The following SCNN1A variants were observed in gnomAD, a reference collection of about 807,000 sequenced individuals.
SCNN1A encodes the protein sodium channel epithelial 1 subunit alpha.
Under a neutral mutation model 68.6 loss-of-function variants are expected in SCNN1A, and 65 were observed. The observed-to-expected ratio is 0.95, with a 90% CI of 0.78 to 1.16. The LOEUF (loss-of-function observed/expected upper bound fraction) is 1.16, where lower values mean the gene tolerates loss of function less well. Among genes scored for constraint, SCNN1A ranks in the 50% most tolerant of loss-of-function variants. SCNN1A has a pLI of 0.00. For missense variants in SCNN1A, 880 were observed against 865.9 expected (o/e 1.02, Z -0.20); for synonymous variants, 357 against 353.3 (o/e 1.01, Z -0.12).
intron 3 of SCNN1A, 40 bp downstream of exon 3, chr12:6,363,403 G>C: frequency 6.8e-7 from 1 of 1,472,274 alleles, no homozygotes; most frequent in South Asian, 1.4e-5. Flanking sequence ...CCAGGGGCCG[G>C]CGAGGGGCGG....
chr12:6,375,864 G>A, upstream of SCNN1A: 1 of 1,313,374 alleles, frequency 7.6e-7, no homozygotes, highest in Non-Finnish European at 9.7e-7. Context: ...CCTGGGTGGG[G>A]AACCGGGAGG....
In SCNN1A at chr12:6,355,776, C is replaced by G; in HGVS notation, c.979+1G>C. On this transcript the variant is annotated splice_donor_variant, in intron 5 of 12. Transcript: ENST00000228916. LOFTEE classifies it high-confidence loss of function. Reference sequence around the variant, plus strand: ...CATGGAGCAAGCAGGGAGCTTCTCACCGTTGTTGATTCCAGGCATGGAAGA... The same window carrying G: ...CATGGAGCAAGCAGGGAGCTTCTCAGCGTTGTTGATTCCAGGCATGGAAGA... The G allele has an allele frequency of 6.2e-7, 1 of 1,600,984 alleles. No homozygotes were observed.
At chr12:6,366,340 A>T (rs1948679549) in intron 2 of SCNN1A, among the ~76,000 whole-genome samples, 1 of 152,182 alleles carries the variant, frequency 6.6e-6, no homozygotes, top group Non-Finnish European at 1.5e-5. Flanking sequence ...ACACACACAA[A>T]TGTGCACAAA....
chr12:6,366,934 T>A (rs1046820354), intron 2 of SCNN1A, among the ~76,000 whole-genome samples: 1 of 152,146 alleles, frequency 6.6e-6, no homozygotes, highest in Non-Finnish European at 1.5e-5. Context: ...TGCTCATTAC[T>A]GCTAATTAAA....
chr12:6,363,380 T>C lies in SCNN1A; in HGVS notation c.684+63A>G, dbSNP rs1187091737. The stretch of plus-strand genomic sequence containing the variant: ...CGGGTCAGGAAAGGAGCGGAGCCCA[T>C]GGGTGGGCGGGGCCAGGGGCCGGCG... On this transcript the variant is annotated intron_variant, in intron 3 of 12. Transcript: ENST00000228916. The C allele has an allele frequency of 6.5e-6, 9 of 1,391,902 alleles. No individual in the cohort carries two copies. In the East Asian group the frequency reaches 2.1e-4, roughly 33 times the overall value. The allele number at this position is 1,391,902 out of a possible 1,614,324, so 86.2% of individuals were successfully genotyped here. A position where few individuals can be genotyped will look rare whatever the true frequency, so the allele number is the denominator to read the frequency against.
At chr12:6,349,777 A>AGT in intron 8 of SCNN1A, 1 of 235,402 alleles carries the variant, frequency 4.2e-6, no homozygotes. Context: ...CCCACGCTAG[A>AGT]GTGCAGTGGC....
At chr12:6,355,749 G>C in intron 5 of SCNN1A, 28 bp downstream of exon 5, 1 of 1,468,990 alleles carries the variant, frequency 6.8e-7, no homozygotes, top group Non-Finnish European at 9.5e-7. Flanking sequence ...AGCAGAGGGC[G>C]CCATGGAGCA....
intron 4 of SCNN1A, among the ~76,000 whole-genome samples, chr12:6,361,280 GGCC>G (rs1365817938): frequency 2.6e-5 from 4 of 152,176 alleles, no homozygotes; most frequent in Non-Finnish European, 5.9e-5. Context: ...AGAGTCACCT[GGCC>G]AGGAAGTGAC....
intron 1 of SCNN1A, chr12:6,375,157 G>A: frequency 6.8e-7 from 1 of 1,461,658 alleles, no homozygotes; most frequent in Non-Finnish European, 9.0e-7. Context: ...CCCTTCCTTT[G>A]GTCTTCTTCC....
chr12:6,357,488 C>T (rs1054754112), intron 4 of SCNN1A, among the ~76,000 whole-genome samples: 29 of 151,856 alleles, frequency 1.9e-4, no homozygotes, highest in African/African-American at 6.8e-4. Context: ...GCAGAAGAAT[C>T]GCTTGAACTT....
chr12:6,372,250 C>T lies in SCNN1A; in HGVS notation c.416+2118G>A, dbSNP rs1948806658. On this transcript the variant is annotated intron_variant, in intron 2 of 12. Transcript: ENST00000228916. This position sits in a 1 kb window ranked among gnomAD's most constrained non-coding sequence, Gnocchi z 5.8. The stretch of plus-strand genomic sequence containing the variant: ...CTAAAAAAATGGGAATAATACTGCC[C>T]ACCTCCCTGGACTTGTCAGTATTAA... Among the ~76,000 whole-genome samples the T allele has an allele frequency of 6.6e-6, 1 of 152,178 alleles. No individual in the cohort carries two copies. The highest frequency in any genetic ancestry group is 6.5e-5 in the Admixed American group (1 of 15,274).
At position 6,373,671 on chromosome 12, in the gene SCNN1A, G is replaced by C. The variant is rs145325222; in HGVS notation, c.416+697C>G. Reference sequence around the variant, plus strand: ...AGCACCGATGAAACCCAAAAGTTCAGGACACACCCAAGCACGTAAAGGTCA... The same window carrying C: ...AGCACCGATGAAACCCAAAAGTTCACGACACACCCAAGCACGTAAAGGTCA... On this transcript the variant is annotated intron_variant, in intron 2 of 12. Coordinates refer to ENST00000228916, the MANE Select transcript of SCNN1A (RefSeq NM_001038.6). 4.6e-4 allele frequency among the ~76,000 whole-genome samples: 70 copies of C among 152,276 alleles called. No individual in the cohort carries two copies. In the East Asian group the frequency reaches 0.013, roughly 28 times the overall value.
Position 6,372,558 on chromosome 12 carries a change from GC to G in SCNN1A, c.416+1809del, listed in dbSNP as rs1948812048. Among the ~76,000 whole-genome samples, 1 of 152,188 alleles carries G rather than the reference GC, an allele frequency of 6.6e-6. No homozygotes were observed. ...CCGGCTTTTTCCTGGACTGTCTAGG[GC>G]CCCGCATCCAGCAGAACCTAAGAAC... On this transcript the variant is annotated intron_variant, in intron 2 of 12. Transcript: ENST00000228916. This position sits in a 1 kb window ranked among gnomAD's most constrained non-coding sequence, Gnocchi z 5.8.
chr12:6,374,523 C>T lies in SCNN1A; in HGVS notation c.261G>A (p.Trp87Ter). The T allele has an allele frequency of 1.2e-6, 2 of 1,614,188 alleles. No homozygotes were observed. Among genetic ancestry groups the T allele is most frequent in the South Asian group, 1.1e-5 (1 of 91,078 alleles). The change falls in exon 2 of 13, where the codon TGG (tryptophan) becomes TGA (stop). Residue 87 changes from tryptophan to a stop codon, truncating the protein, a stop_gained. Coordinates refer to ENST00000228916, the MANE Select transcript of SCNN1A (RefSeq NM_001038.6). LOFTEE classifies it high-confidence loss of function. The surrounding 1 kb of genome is among the most constrained non-coding windows in gnomAD (Gnocchi z 6.2). The part of the protein sequence containing the change: ...SQHNRMKTAF[W>*]AVLWLCTFGM... ...CAAAGGTGCAGAGCCACAGCACTGCCCAGAAGGCCGTCTTCATGCGGTTGT... is the reference window on the plus strand; with the variant it reads ...CAAAGGTGCAGAGCCACAGCACTGCTCAGAAGGCCGTCTTCATGCGGTTGT...
chr12:6,361,961 C>T (rs1031561948), intron 4 of SCNN1A, 90 bp downstream of exon 4: 1 of 1,414,546 alleles, frequency 7.1e-7, no homozygotes, highest in Non-Finnish European at 1.0e-6. Context: ...AGTCAACAAG[C>T]ATTTCCTGGG....
chr12:6,373,743 G>T (rs564279822), intron 2 of SCNN1A, among the ~76,000 whole-genome samples: 3 of 152,262 alleles, frequency 2.0e-5, no homozygotes, highest in Admixed American at 1.3e-4. Flanking sequence ...TGGGTCTTTT[G>T]GGGGAAGAGC....
chr12:6,373,848 C>T (rs566809288), intron 2 of SCNN1A, among the ~76,000 whole-genome samples: 2 of 152,298 alleles, frequency 1.3e-5, no homozygotes, highest in East Asian at 1.9e-4. Context: ...CTAACCTCCA[C>T]GATCCCCCTC....
rs868448935 is a variant in SCNN1A at position 6,374,753 on chromosome 12, A to T, written c.31T>A (p.Ser11Thr). Residue 11 changes from serine to threonine, a missense_variant, in exon 2 of 13, where the codon TCT becomes ACT. Transcript: ENST00000228916. The surrounding 1 kb of genome is among the most constrained non-coding windows in gnomAD (Gnocchi z 6.2). ...CCTGGAGTGGACTGTGGAGGGCTAGAGTCCTGCTCCTCCAGCTTGTTCCCC... is the reference window on the plus strand; with the variant it reads ...CCTGGAGTGGACTGTGGAGGGCTAGTGTCCTGCTCCTCCAGCTTGTTCCCC... The part of the protein sequence containing the change: MEGNKLEEQD[S>T]SPPQSTPGLM... The T allele has an allele frequency of 1.2e-6, 2 of 1,613,820 alleles. No individual in the cohort carries two copies. Among genetic ancestry groups the T allele is most frequent in the Non-Finnish European group, 1.7e-6 (2 of 1,179,910 alleles).
upstream of SCNN1A, among the ~76,000 whole-genome samples, chr12:6,376,433 G>C (rs137916184): frequency 1.3e-5 from 2 of 152,296 alleles, no homozygotes; most frequent in African/African-American, 4.8e-5. Flanking sequence ...CGAGGGCCAC[G>C]CAGGACACTG....
Sources: gnomAD v4.1 joint callset for allele counts (sites outside exome capture counted in the v4.1 genomes callset) on GRCh38, gnomAD v4.1.1 for gene constraint, Gnocchi (gnomAD v3.1) non-coding constraint, MANE v1.5 for transcripts, NCBI Gene and HGNC (gene_info 2026-07-23, HGNC 2026-07-21) for gene names.